Variants in TANC2 observed in about 807,000 individuals in gnomAD.
The protein encoded by TANC2 is tetratricopeptide repeat, ankyrin repeat and coiled-coil containing 2.
Under a neutral mutation model 210.5 loss-of-function variants are expected in TANC2, and 26 were observed. That is an observed-to-expected ratio of 0.12 (90% CI 0.09 to 0.17). TANC2 has a LOEUF of 0.17. TANC2 is among the 10% of genes least tolerant of loss of function. The pLI is 1.00. For missense variants in TANC2, 2,129 were observed against 2,608.9 expected (o/e 0.82, Z 4.01); for synonymous variants, 931 against 967.1 (o/e 0.96, Z 0.69).
rs931865967 is a variant in TANC2, at chr17:63,415,752, C to T, written c.4167+78C>T. On this transcript the variant is annotated intron_variant, in intron 26 of 27. Coordinates refer to ENST00000689528, the Ensembl canonical transcript of TANC2. ...GTGTCACTCACTAGCTTTTACCAGG[C>T]CCCTGAAATCCTCCTCTGCCCCATT... is the stretch of plus-strand genomic sequence containing the variant. 5.3e-5 allele frequency: 81 copies of T among 1,524,890 alleles called. 1 individual carries two copies. In the South Asian group the frequency reaches 7.1e-4, roughly 13 times the overall value. The allele number at this position is 1,524,890 out of a possible 1,614,324, so 94.5% of individuals were successfully genotyped here.
chr17:63,267,634 C>CAT (rs1567867154), intron 8 of TANC2, 114 bp from the exon 9 acceptor site: 1 of 901,976 alleles, frequency 1.1e-6, no homozygotes, highest in Non-Finnish European at 1.6e-6. Context: ...ACATATTTTG[C>CAT]ATATATATTT....
intron 5 of TANC2, among the ~76,000 whole-genome samples, chr17:63,191,275 T>G (rs1598572208): frequency 6.6e-6 from 1 of 151,326 alleles, no homozygotes; most frequent in African/African-American, 2.4e-5. Context: ...ACATACAGTA[T>G]TTGAATACAC....
intron 8 of TANC2, among the ~76,000 whole-genome samples, chr17:63,242,073 T>G (rs2042789089): frequency 6.6e-6 from 1 of 152,292 alleles, no homozygotes; most frequent in South Asian, 2.1e-4. Context: ...GGTGGAGAAG[T>G]CTCTTAATAT....
At chr17:63,078,913 A>G (rs2036666252) in intron 3 of TANC2, among the ~76,000 whole-genome samples, 1 of 152,292 alleles carries the variant, frequency 6.6e-6, no homozygotes, top group East Asian at 1.9e-4. Flanking sequence ...ACGTTGATTG[A>G]TAGTGTTATT....
At chr17:63,234,113 C>T (rs936498984) in intron 7 of TANC2, among the ~76,000 whole-genome samples, 1 of 152,188 alleles carries the variant, frequency 6.6e-6, no homozygotes, top group Non-Finnish European at 1.5e-5. Flanking sequence ...GCTAATAGTT[C>T]AGTACCTATT....
chr17:63,388,812 A>G, intron 16 of TANC2, 55 bp downstream of exon 16: 1 of 1,353,962 alleles, frequency 7.4e-7, no homozygotes, highest in South Asian at 1.6e-5. Flanking sequence ...GAAAAAATAA[A>G]ACTAGAAGGA....
At chr17:63,111,516 T>A (rs117844662) in intron 4 of TANC2, among the ~76,000 whole-genome samples, 371 of 152,296 alleles carry the variant, frequency 2.4e-3, no homozygotes, top group Non-Finnish European at 3.8e-3. Context: ...TCTTCTCAAC[T>A]GGGGCTCTAT....
At chr17:63,066,138 C>T (rs1269542243) in intron 2 of TANC2, among the ~76,000 whole-genome samples, 1 of 152,100 alleles carries the variant, frequency 6.6e-6, no homozygotes, top group Non-Finnish European at 1.5e-5. Flanking sequence ...CCTTGGCCCT[C>T]AGGGTCAGGC....
intron 5 of TANC2, among the ~76,000 whole-genome samples, chr17:63,177,321 T>C (rs937937630): frequency 7.8e-5 from 11 of 141,836 alleles, no homozygotes; most frequent in Admixed American, 7.2e-5. Flanking sequence ...ATATAGGTAA[T>C]AGTTTATTAT....
chr17:63,330,407 T>G (rs1379007362), intron 11 of TANC2, among the ~76,000 whole-genome samples: 1 of 152,196 alleles, frequency 6.6e-6, no homozygotes, highest in East Asian at 1.9e-4. Context: ...ATTGTTTTAC[T>G]TTACATCTTT....
intron 3 of TANC2, among the ~76,000 whole-genome samples, chr17:63,095,498 T>C (rs6504151): frequency 0.95 from 144,451 of 152,204 alleles, 68,616 homozygotes; most frequent in East Asian, 1. Context: ...GTATGTTCCT[T>C]TGATTTGACT....
intron 1 of TANC2, chr17:62,967,551 C>T (rs1005101886): frequency 6.6e-6 from 1 of 152,140 alleles, no homozygotes; most frequent in African/African-American, 2.4e-5. Flanking sequence ...CTTCTCTGCT[C>T]CTCTCCAGGA....
intron 4 of TANC2, among the ~76,000 whole-genome samples, chr17:63,120,419 A>C (rs1449552709): frequency 6.6e-6 from 1 of 152,160 alleles, no homozygotes; most frequent in Non-Finnish European, 1.5e-5. Context: ...TAACTGGCAG[A>C]GTTCTATGAA....
chr17:63,195,385 G>A (rs2041311261), intron 6 of TANC2, among the ~76,000 whole-genome samples: 1 of 152,118 alleles, frequency 6.6e-6, no homozygotes, highest in East Asian at 1.9e-4. Context: ...TAGGACAAAA[G>A]CATTGGAGCC....
chr17:63,266,772 GT>G (rs536316433), intron 8 of TANC2, among the ~76,000 whole-genome samples: 71 of 152,002 alleles, frequency 4.7e-4, no homozygotes, highest in African/African-American at 1.5e-3. Flanking sequence ...AATCTTAGGG[GT>G]TTTTTTTCCC....
intron 9 of TANC2, among the ~76,000 whole-genome samples, chr17:63,268,195 A>G (rs1356125791): frequency 6.6e-6 from 1 of 152,218 alleles, no homozygotes; most frequent in African/African-American, 2.4e-5. Context: ...TTCAGAAGTG[A>G]CTGCGGACCA....
At chr17:63,160,490 A>AT (rs1296907511) in intron 5 of TANC2, among the ~76,000 whole-genome samples, 1 of 152,088 alleles carries the variant, frequency 6.6e-6, no homozygotes, top group Non-Finnish European at 1.5e-5. Flanking sequence ...CTATTCCATC[A>AT]TTTTTTCTCC....
Position 63,145,173 on chromosome 17 carries a change from A to G in TANC2, c.323-6097A>G, listed in dbSNP as rs1271469453. ...CTTATGTCACCGTTGAAGCACAATCATGAGAAATAGTTAATCAGCACATTA... is the reference window on the plus strand; with the variant it reads ...CTTATGTCACCGTTGAAGCACAATCGTGAGAAATAGTTAATCAGCACATTA... On this transcript the variant is annotated intron_variant, in intron 4 of 27. Coordinates refer to ENST00000689528, the Ensembl canonical transcript of TANC2. Among the ~76,000 whole-genome samples the G allele has an allele frequency of 4.6e-5, 7 of 152,150 alleles. No homozygotes were observed. The East Asian group carries it at 1.2e-3, about 25-fold the overall frequency.
intron 5 of TANC2, among the ~76,000 whole-genome samples, chr17:63,160,044 T>C (rs1214872866): frequency 6.6e-6 from 1 of 152,220 alleles, no homozygotes; most frequent in Non-Finnish European, 1.5e-5. Flanking sequence ...TGTGCATGCA[T>C]GTCAGGAGAG....
Sources: gnomAD v4.1 joint callset for allele counts (sites outside exome capture counted in the v4.1 genomes callset) on GRCh38, gnomAD v4.1.1 for gene constraint, MANE v1.5 for transcripts, NCBI Gene and HGNC (gene_info 2026-07-23, HGNC 2026-07-21) for gene names.